ITCH: variants seen among roughly 807,000 people sequenced by gnomAD.
The protein encoded by ITCH is itchy E3 ubiquitin protein ligase, also known as E3 ubiquitin-protein ligase Itchy homolog.
ITCH carries 28 observed loss-of-function variants against 126.8 expected under a neutral mutation model. The observed-to-expected ratio is 0.22, with a 90% CI of 0.16 to 0.30. ITCH has a LOEUF of 0.30. ITCH is among the 10% of genes least tolerant of loss of function. The pLI, the probability that ITCH is intolerant of heterozygous loss-of-function variation, is 1.00. For missense variants in ITCH, 631 were observed against 1,032.4 expected (o/e 0.61, Z 5.33); for synonymous variants, 342 against 340.0 (o/e 1.01, Z -0.06).
intron 5 of ITCH, 44 bp from the exon 6 acceptor site, chr20:34,413,697 TG>T: frequency 6.3e-7 from 1 of 1,577,172 alleles, no homozygotes. Flanking sequence ...ATGCCTTAAC[TG>T]GGAAAAAAGT....
chr20:34,503,807 C>T (rs1339487276), intron 23 of ITCH, among the ~76,000 whole-genome samples: 1 of 151,036 alleles, frequency 6.6e-6, no homozygotes, highest in African/African-American at 2.4e-5. Context: ...TGAGCCTGAC[C>T]CCTAGAGTTT....
At position 34,424,594 on chromosome 20, in the gene ITCH, A is replaced by G. The variant is rs1981240031; in HGVS notation, c.521+69A>G. 2.4e-6 allele frequency: 3 copies of G among 1,253,426 alleles called. No homozygotes were observed. The Admixed American group carries it at 5.1e-5, about 21-fold the overall frequency. 77.6% of individuals were successfully genotyped at this position (1,253,426 alleles called of 1,614,324 possible). On this transcript the variant is annotated intron_variant, in intron 7 of 24. Coordinates refer to ENST00000374864, the MANE Select transcript of ITCH (RefSeq NM_031483.7). ...ATTTCCTAAATATTCATTTTAGTGT[A>G]AACTTCAGGTTCATGATATAAGAAT...
At chr20:34,408,179 G>T (rs1293195968) in intron 3 of ITCH, among the ~76,000 whole-genome samples, 1 of 148,776 alleles carries the variant, frequency 6.7e-6, no homozygotes, top group Non-Finnish European at 1.5e-5. Flanking sequence ...GGACTCAAGC[G>T]ATTCTCCTAC....
chr20:34,371,996 A>G (rs2037648869), intron 2 of ITCH, among the ~76,000 whole-genome samples: 1 of 152,044 alleles, frequency 6.6e-6, no homozygotes, highest in Non-Finnish European at 1.5e-5. Context: ...TATATGACTG[A>G]TATCAGAAAT....
intron 24 of ITCH, among the ~76,000 whole-genome samples, chr20:34,505,201 G>A (rs1377597830): frequency 6.6e-6 from 1 of 151,640 alleles, no homozygotes; most frequent in Non-Finnish European, 1.5e-5. Context: ...CCGTGACCAC[G>A]CCCAGCTAAT....
intron 2 of ITCH, among the ~76,000 whole-genome samples, chr20:34,376,339 C>T (rs950401660): frequency 1.3e-5 from 2 of 151,998 alleles, no homozygotes; most frequent in Non-Finnish European, 2.9e-5. Context: ...GCAAGGGTCG[C>T]TTAAGCCCAG....
At chr20:34,413,917 C>T in intron 6 of ITCH, 38 bp downstream of exon 6, 1 of 1,531,226 alleles carries the variant, frequency 6.5e-7, no homozygotes, top group Non-Finnish European at 9.0e-7. Flanking sequence ...AATGATTCTT[C>T]TTAAATAAAA....
chr20:34,498,143 G>A (rs560233649), intron 23 of ITCH, among the ~76,000 whole-genome samples: 16 of 152,166 alleles, frequency 1.1e-4, no homozygotes, highest in Admixed American at 3.3e-4. Flanking sequence ...CTAGTTTGTT[G>A]TTTTATAGAA....
chr20:34,450,236 A>G (rs1362926978), intron 12 of ITCH, among the ~76,000 whole-genome samples: 2 of 152,228 alleles, frequency 1.3e-5, no homozygotes, highest in South Asian at 2.1e-4. Flanking sequence ...AAAATGAAGT[A>G]TATGTGAGAC....
intron 22 of ITCH, among the ~76,000 whole-genome samples, chr20:34,491,444 T>A (rs1215332668): frequency 6.6e-6 from 1 of 152,176 alleles, no homozygotes; most frequent in Non-Finnish European, 1.5e-5. Context: ...AGGTTTTACT[T>A]GGGATGATGA....
At chr20:34,394,209 C>CAAAAAA (rs59876098) in intron 3 of ITCH, among the ~76,000 whole-genome samples, 1 of 62,942 alleles carries the variant, frequency 1.6e-5, no homozygotes, top group Non-Finnish European at 3.2e-5. Context: ...GAGACTGTCT[C>CAAAAAA]AAAAAAAAAA....
intron 2 of ITCH, among the ~76,000 whole-genome samples, chr20:34,369,868 C>T (rs1013163643): frequency 2.6e-5 from 4 of 151,652 alleles, no homozygotes; most frequent in Admixed American, 2.6e-4. Context: ...CTTTGTGGGG[C>T]GAAGGTGGGA....
At chr20:34,486,392 C>T (rs1227061491) in intron 20 of ITCH, among the ~76,000 whole-genome samples, 1 of 149,978 alleles carries the variant, frequency 6.7e-6, no homozygotes, top group Non-Finnish European at 1.5e-5. Context: ...GCGGTACAAT[C>T]TTGGCTCACT....
chr20:34,469,222 AACACACAC>A (rs34998924), intron 14 of ITCH, among the ~76,000 whole-genome samples: 22 of 149,234 alleles, frequency 1.5e-4, no homozygotes, highest in East Asian at 1.2e-3. Flanking sequence ...GCAAATTATA[AACACACAC>A]ACACACACAC....
Position 34,492,483 on chromosome 20 carries a change from TAA to T in ITCH, c.2320-16_2320-15del. 3 of 1,365,440 alleles carry T rather than the reference TAA, an allele frequency of 2.2e-6. No homozygotes were observed. The highest frequency in any genetic ancestry group is 3.1e-6 in the Non-Finnish European group (3 of 953,174). The allele number at this position is 1,365,440 out of a possible 1,614,324, so 84.6% of individuals were successfully genotyped here. Reference sequence around the variant, plus strand: ...GTAACATATGACATATATATCTCTTTAAATATACTTTTAACAGTTTGTTAAAG... The same window carrying T: ...GTAACATATGACATATATATCTCTTTATATACTTTTAACAGTTTGTTAAAG... On this transcript the variant is annotated splice_polypyrimidine_tract_variant and intron_variant, in intron 22 of 24. Transcript: ENST00000374864.
At chr20:34,450,147 G>A (rs942409515) in intron 12 of ITCH, among the ~76,000 whole-genome samples, 7 of 152,192 alleles carry the variant, frequency 4.6e-5, no homozygotes, top group African/African-American at 1.2e-4. Context: ...AACAATGTTT[G>A]TGGTTAACAA....
At chr20:34,439,697 T>C (rs1601904991) in intron 8 of ITCH, among the ~76,000 whole-genome samples, 1 of 152,244 alleles carries the variant, frequency 6.6e-6, no homozygotes, top group Non-Finnish European at 1.5e-5. Flanking sequence ...AAAGGTGTAA[T>C]GTATGACTAC....
rs114714528 is a variant in ITCH, at chr20:34,494,052, G to C, written c.2416+1455G>C. Among the ~76,000 whole-genome samples the C allele has an allele frequency of 7.7e-3, 1,174 of 152,220 alleles. 16 individuals are homozygous for C. Among genetic ancestry groups the C allele is most frequent in the African/African-American group, 0.027 (1,110 of 41,534 alleles). ...GAGAACAGCTGGGACGACATGGTGA[G>C]ACCCCGTCTCTACTAAAAATACAAA... is the stretch of plus-strand genomic sequence containing the variant. On this transcript the variant is annotated intron_variant, in intron 23 of 24. Transcript: ENST00000374864.
At chr20:34,457,369 C>T (rs773202555) in intron 12 of ITCH, 21 bp from the exon 13 acceptor site, 2 of 1,569,790 alleles carry the variant, frequency 1.3e-6, no homozygotes, top group African/African-American at 1.3e-5. Flanking sequence ...TTGCTTTCCC[C>T]TGCCCCTGCC....
Sources: gnomAD v4.1 joint callset for allele counts (sites outside exome capture counted in the v4.1 genomes callset) on GRCh38, gnomAD v4.1.1 for gene constraint, MANE v1.5 for transcripts, NCBI Gene and HGNC (gene_info 2026-07-23, HGNC 2026-07-21) for gene names.